DLGAP2: variants seen among roughly 807,000 people sequenced by gnomAD.
The protein encoded by DLGAP2 is DLG associated protein 2.
Under a neutral mutation model 100.3 loss-of-function variants are expected in DLGAP2, and 26 were observed. The ratio of observed to expected loss-of-function variants is 0.26; its 90% confidence interval spans 0.19 to 0.36. The LOEUF is 0.36. Among genes scored for constraint, DLGAP2 ranks in the 10% least tolerant of loss-of-function variants. The pLI is 1.00. For missense variants in DLGAP2, 1,858 were observed against 1,453.2 expected (o/e 1.28, Z -4.53); for synonymous variants, 886 against 630.1 (o/e 1.41, Z -6.08).
chr8:1,026,413 G>A lies in DLGAP2; in HGVS notation c.73+118447G>A, dbSNP rs574489830. Among the ~76,000 whole-genome samples the A allele has an allele frequency of 5.9e-5, 9 of 152,298 alleles. No homozygotes were observed. In the South Asian group the frequency reaches 6.2e-4, roughly 11 times the overall value. On this transcript the variant is annotated intron_variant, in intron 2 of 14. Coordinates refer to ENST00000637795, the MANE Select transcript of DLGAP2 (RefSeq NM_001346810.2). ...TCTGGCTTTGTGGACGAGGACGCCC[G>A]CCGCCTTGGCTGCACCCTGGAATGC...
At chr8:1,676,295 G>A (rs1446210863) in intron 10 of DLGAP2, among the ~76,000 whole-genome samples, 2 of 152,158 alleles carry the variant, frequency 1.3e-5, no homozygotes, top group East Asian at 1.9e-4. Flanking sequence ...ACATTTAGAA[G>A]ACCAAACTGC....
At chr8:1,433,881 C>G (rs879339455) in intron 3 of DLGAP2, among the ~76,000 whole-genome samples, 1 of 151,906 alleles carries the variant, frequency 6.6e-6, no homozygotes, top group African/African-American at 2.4e-5. Context: ...CACATGGAAT[C>G]CAGTGCTGTC....
At chr8:1,342,707 GA>G (rs1392078645) in intron 3 of DLGAP2, among the ~76,000 whole-genome samples, 3 of 152,154 alleles carry the variant, frequency 2.0e-5, no homozygotes, top group Admixed American at 2.0e-4. Flanking sequence ...AACATTAATT[GA>G]AAATGACTAA....
chr8:896,620 C>T (rs1275348589), intron 1 of DLGAP2, among the ~76,000 whole-genome samples: 1 of 152,036 alleles, frequency 6.6e-6, no homozygotes, highest in African/African-American at 2.4e-5. Flanking sequence ...GGGTGGGGCC[C>T]CCATGTTGGT....
At chr8:1,192,050 A>T (rs6558420) in intron 2 of DLGAP2, among the ~76,000 whole-genome samples, 1 of 152,154 alleles carries the variant, frequency 6.6e-6, no homozygotes, top group African/African-American at 2.4e-5. Flanking sequence ...AGCCGCTGCC[A>T]GCCTCCCAGG....
chr8:796,435 G>T (rs1388572026), intron 1 of DLGAP2, among the ~76,000 whole-genome samples: 3 of 152,080 alleles, frequency 2.0e-5, no homozygotes, highest in Admixed American at 2.0e-4. Flanking sequence ...CTTTCCTGAT[G>T]TTTGATGCTG....
intron 6 of DLGAP2, among the ~76,000 whole-genome samples, chr8:1,606,286 C>T (rs1322529311): frequency 6.6e-6 from 1 of 152,208 alleles, no homozygotes; most frequent in Non-Finnish European, 1.5e-5. Context: ...CCATACAATT[C>T]ATCCACTTGA....
At chr8:1,553,247 C>T (rs1801835859) in intron 5 of DLGAP2, among the ~76,000 whole-genome samples, 2 of 152,220 alleles carry the variant, frequency 1.3e-5, no homozygotes, top group Non-Finnish European at 1.5e-5. Context: ...CCCACCGCGT[C>T]CTGCGCTCCT....
rs534971576 is a variant in DLGAP2 at position 1,548,843 on chromosome 8, G to T, written c.390G>T (p.Gly130=). The change falls in exon 5 of 15, where the codon GGG becomes GGT. Residue 130 remains glycine, a synonymous_variant. Coordinates refer to ENST00000637795, the MANE Select transcript of DLGAP2 (RefSeq NM_001346810.2). ...TGAGCCCCGCCGACAGCTGCCCCGG[G>T]GGGCGCCACCGCTGCTCGCCGCGCA... ...YLLSPADSCP[G]GRHRCSPRSS... 2.0e-5 allele frequency: 31 copies of T among 1,580,050 alleles called. No individual in the cohort carries two copies. Among genetic ancestry groups the T allele is most frequent in the Non-Finnish European group, 2.7e-5 (31 of 1,166,982 alleles).
chr8:1,003,213 C>G (rs1801011352), intron 2 of DLGAP2: 1 of 152,366 alleles, frequency 6.6e-6, no homozygotes, highest in East Asian at 1.9e-4. Context: ...TCAAGCCCTC[C>G]TCTGCTTACC....
intron 1 of DLGAP2, among the ~76,000 whole-genome samples, chr8:861,578 G>A (rs935060869): frequency 7.2e-5 from 11 of 152,318 alleles, no homozygotes; most frequent in African/African-American, 7.2e-5. Context: ...TAGTTTATCC[G>A]CTTTTATTTT....
intron 2 of DLGAP2, among the ~76,000 whole-genome samples, chr8:1,103,269 T>G (rs1332313565): frequency 6.6e-6 from 1 of 152,306 alleles, no homozygotes; most frequent in Middle Eastern, 3.4e-3. Flanking sequence ...GTTGGATTCA[T>G]GTGGACCCAC....
chr8:1,024,048 C>T (rs997001250), intron 2 of DLGAP2, among the ~76,000 whole-genome samples: 1 of 152,018 alleles, frequency 6.6e-6, no homozygotes, highest in Non-Finnish European at 1.5e-5. Context: ...GTGCCATGTG[C>T]GGTGTGGGGT....
At chr8:808,692 G>A (rs941614474) in intron 1 of DLGAP2, among the ~76,000 whole-genome samples, 1 of 152,194 alleles carries the variant, frequency 6.6e-6, no homozygotes, top group East Asian at 1.9e-4. Context: ...GTGCTGCTTT[G>A]TGGCACAGGA....
intron 2 of DLGAP2, among the ~76,000 whole-genome samples, chr8:1,158,369 C>A (rs1239495353): frequency 6.6e-6 from 1 of 152,148 alleles, no homozygotes; most frequent in Admixed American, 6.5e-5. Context: ...TAATCTAATT[C>A]CCTCAGTAGA....
At chr8:987,862 G>A (rs1208224866) in intron 2 of DLGAP2, among the ~76,000 whole-genome samples, 1 of 152,124 alleles carries the variant, frequency 6.6e-6, no homozygotes, top group Non-Finnish European at 1.5e-5. Context: ...CTCTCTTTCA[G>A]CTGTTAATTT....
chr8:1,569,197 C>T (rs996342273), intron 6 of DLGAP2, among the ~76,000 whole-genome samples: 1 of 152,284 alleles, frequency 6.6e-6, no homozygotes, highest in Admixed American at 6.5e-5. Context: ...CTATGGCCCC[C>T]ATGCCATTGT....
chr8:1,050,428 A>G (rs1802644924), intron 2 of DLGAP2, among the ~76,000 whole-genome samples: 1 of 152,198 alleles, frequency 6.6e-6, no homozygotes, highest in Non-Finnish European at 1.5e-5. Context: ...CTGTAAGCTG[A>G]TGCGTGTGTT....
chr8:1,069,413 C>T (rs763024664), intron 2 of DLGAP2, among the ~76,000 whole-genome samples: 10 of 152,202 alleles, frequency 6.6e-5, no homozygotes, highest in Non-Finnish European at 1.5e-4. Flanking sequence ...GTCCTCCGCA[C>T]ACTCCTGTCC....
Sources: gnomAD v4.1 joint callset for allele counts (sites outside exome capture counted in the v4.1 genomes callset) on GRCh38, gnomAD v4.1.1 for gene constraint, MANE v1.5 for transcripts, NCBI Gene and HGNC (gene_info 2026-07-23, HGNC 2026-07-21) for gene names.